TEX36: variants seen among roughly 807,000 people sequenced by gnomAD.
TEX36 encodes testis-expressed protein 36.
TEX36 carries 12 observed loss-of-function variants against 13.6 expected under a neutral mutation model. That is an observed-to-expected ratio of 0.88 (90% CI 0.56 to 1.43). TEX36 has a LOEUF of 1.43. Ranked by LOEUF, TEX36 falls within the 40% of genes most tolerant of loss-of-function variation. TEX36 has a pLI of 0.00. For missense variants in TEX36, 224 were observed against 228.3 expected, an observed-to-expected ratio of 0.98 and a Z score of 0.12; for synonymous variants, 93 against 83.0, an observed-to-expected ratio of 1.12 and a Z score of -0.65.
chr10:125,584,341 C>T (rs1027917495), intron 3 of TEX36, among the ~76,000 whole-genome samples: 1 of 152,184 alleles, frequency 6.6e-6, no homozygotes, highest in African/African-American at 2.4e-5. Flanking sequence ...AGCAACAGAT[C>T]ACTGATACAA....
chr10:125,651,439 T>A (rs1194013804), downstream of TEX36, among the ~76,000 whole-genome samples: 1 of 152,016 alleles, frequency 6.6e-6, no homozygotes, highest in Non-Finnish European at 1.5e-5. Context: ...TTCGAGAAAA[T>A]TCAACAGCCC....
At chr10:125,668,064 T>C in intron 1 of TEX36, 2 of 629,420 alleles carry the variant, frequency 3.2e-6, no homozygotes, top group Non-Finnish European at 2.9e-6. Context: ...TCTCCTAAAA[T>C]AACTGAGAGT....
intron 1 of TEX36, chr10:125,667,206 C>T (rs1230621452): frequency 1.2e-5 from 8 of 643,608 alleles, no homozygotes. Context: ...CCATGGCAAT[C>T]TCCTCGTGAG....
chr10:125,579,436 C>T (rs1306886618), intron 3 of TEX36, among the ~76,000 whole-genome samples: 3 of 152,186 alleles, frequency 2.0e-5, no homozygotes, highest in African/African-American at 4.8e-5. Flanking sequence ...GTCTAATCAC[C>T]TCCCATGAAG....
chr10:125,666,635 T>C lies in TEX36; in HGVS notation c.52-4658A>G, dbSNP rs148075594. Among the ~76,000 whole-genome samples the C allele has an allele frequency of 8.6e-3, 1,306 of 152,324 alleles. 8 individuals carry two copies. The highest frequency in any genetic ancestry group is 0.012 in the Non-Finnish European group (846 of 68,024). ...TTGAGAAATTTTGTATCTATGTTCA[T>C]TGGGGATACTGGCTGTAGTTCTCTC... On this transcript the variant is annotated intron_variant, in intron 1 of 3. Transcript: ENST00000368821.
intron 3 of TEX36, among the ~76,000 whole-genome samples, chr10:125,629,487 T>G (rs768058871): frequency 6.6e-6 from 1 of 152,198 alleles, no homozygotes; most frequent in Non-Finnish European, 1.5e-5. Flanking sequence ...TATAAAATAA[T>G]GAAGCATTAT....
intron 3 of TEX36, among the ~76,000 whole-genome samples, chr10:125,584,889 T>C (rs1845925161): frequency 6.6e-6 from 1 of 152,240 alleles, no homozygotes; most frequent in Admixed American, 6.5e-5. Context: ...CTACACATAT[T>C]AACATTTTGA....
At chr10:125,649,567 T>C (rs994016536) in intron 3 of TEX36, among the ~76,000 whole-genome samples, 1 of 152,174 alleles carries the variant, frequency 6.6e-6, no homozygotes, top group African/African-American at 2.4e-5. Flanking sequence ...GTAAAGACCA[T>C]CAATGCTAGG....
chr10:125,664,987 A>T (rs917960439), intron 1 of TEX36, among the ~76,000 whole-genome samples: 9 of 152,152 alleles, frequency 5.9e-5, no homozygotes, highest in African/African-American at 2.2e-4. Flanking sequence ...GCACCTTTCC[A>T]TATACCTGTT....
intron 3 of TEX36, among the ~76,000 whole-genome samples, chr10:125,633,174 C>G (rs927335738): frequency 6.6e-6 from 1 of 151,998 alleles, no homozygotes; most frequent in Non-Finnish European, 1.5e-5. Context: ...CATCTTTCCA[C>G]TTTGTCTCTC....
intron 3 of TEX36, among the ~76,000 whole-genome samples, chr10:125,611,602 A>G (rs1846290496): frequency 6.6e-6 from 1 of 151,992 alleles, no homozygotes; most frequent in Admixed American, 6.6e-5. Flanking sequence ...AAAGCTATTT[A>G]TATATGAAAA....
chr10:125,662,259 A>G, intron 1 of TEX36, among the ~76,000 whole-genome samples: 1 of 152,172 alleles, frequency 6.6e-6, no homozygotes, highest in East Asian at 1.9e-4. Context: ...TGTGGTCCTC[A>G]GTGAGTGAGC....
At chr10:125,591,847 T>C (rs1407088000) in intron 3 of TEX36, among the ~76,000 whole-genome samples, 1 of 152,130 alleles carries the variant, frequency 6.6e-6, no homozygotes, top group Non-Finnish European at 1.5e-5. Flanking sequence ...CCTGCTTGTA[T>C]GAGAATCATT....
At chr10:125,585,571 C>T (rs76147439) in intron 3 of TEX36, among the ~76,000 whole-genome samples, 3,792 of 152,308 alleles carry the variant, frequency 0.025, 79 homozygotes, top group African/African-American at 0.063. Context: ...ACTCTGATCT[C>T]TCTTTCCCCT....
intron 3 of TEX36, among the ~76,000 whole-genome samples, chr10:125,647,826 G>T (rs1846794357): frequency 6.6e-6 from 1 of 152,180 alleles, no homozygotes. Flanking sequence ...TTTTCCAATG[G>T]CCTTAGCAAA....
intron 1 of TEX36, among the ~76,000 whole-genome samples, chr10:125,674,769 C>T (rs1475948379): frequency 6.6e-6 from 1 of 152,232 alleles, no homozygotes; most frequent in Non-Finnish European, 1.5e-5. Flanking sequence ...CCAGTGGAGG[C>T]TGCAGAACAG....
intron 3 of TEX36, among the ~76,000 whole-genome samples, chr10:125,624,787 G>C (rs1185278894): frequency 6.6e-6 from 1 of 152,074 alleles, no homozygotes; most frequent in African/African-American, 2.4e-5. Context: ...TTTTGTGAGA[G>C]GGGGCTCGGG....
intron 3 of TEX36, among the ~76,000 whole-genome samples, chr10:125,642,065 T>C (rs1846700420): frequency 6.6e-6 from 1 of 152,226 alleles, no homozygotes; most frequent in Non-Finnish European, 1.5e-5. Flanking sequence ...TTTTTTGAAT[T>C]TCACTTCCCA....
At chr10:125,656,932 TC>T in intron 3 of TEX36, among the ~76,000 whole-genome samples, 1 of 152,188 alleles carries the variant, frequency 6.6e-6, no homozygotes, top group East Asian at 1.9e-4. Flanking sequence ...CTCTGAAAAG[TC>T]TGAGGAGGCT....
Sources: allele counts gnomAD v4.1 joint callset (sites outside exome capture counted in the v4.1 genomes callset), GRCh38; gene constraint gnomAD v4.1.1; transcripts MANE v1.5; gene names NCBI Gene and HGNC (gene_info 2026-07-23, HGNC 2026-07-21).